The following LRMDA variants were observed in gnomAD, a reference collection of about 807,000 sequenced individuals.
LRMDA encodes leucine rich melanocyte differentiation associated, also known as leucine-rich melanocyte differentiation-associated protein.
A neutral mutation model predicts 29.8 loss-of-function variants in LRMDA; 18 were observed. The ratio of observed to expected loss-of-function variants is 0.60; its 90% CI spans 0.42 to 0.90. The LOEUF is 0.90. Ranked by LOEUF, LRMDA falls within the 40% of genes least tolerant of loss-of-function variation. The pLI is 0.00. For missense variants in LRMDA, 273 were observed against 273.9 expected, an observed-to-expected ratio of 1.00 and a Z score of 0.02; for synonymous variants, 125 against 109.4, an observed-to-expected ratio of 1.14 and a Z score of -0.89.
chr10:75,880,364 A>G (rs192586204), intron 2 of LRMDA, among the ~76,000 whole-genome samples: 130 of 152,362 alleles, frequency 8.5e-4, no homozygotes, highest in African/African-American at 3.1e-3. Flanking sequence ...AGGTCATTCA[A>G]AGAAGAGATA....
chr10:76,301,703 G>A (rs1261103353), intron 5 of LRMDA, among the ~76,000 whole-genome samples: 1 of 152,140 alleles, frequency 6.6e-6, no homozygotes, highest in African/African-American at 2.4e-5. Context: ...TATTATGTAA[G>A]ACCCAAGTAG....
intron 2 of LRMDA, among the ~76,000 whole-genome samples, chr10:75,996,615 A>AT (rs1847466628): frequency 6.6e-6 from 1 of 152,212 alleles, no homozygotes; most frequent in Non-Finnish European, 1.5e-5. Flanking sequence ...CTTGAATTGC[A>AT]TATCATTCTA....
intron 6 of LRMDA, among the ~76,000 whole-genome samples, chr10:76,477,192 C>G (rs931307011): frequency 3.3e-5 from 5 of 152,060 alleles, no homozygotes; most frequent in African/African-American, 1.2e-4. Flanking sequence ...TGATAAGCAA[C>G]TTCAGCAAAG....
intron 2 of LRMDA, among the ~76,000 whole-genome samples, chr10:75,916,500 C>A (rs1392062563): frequency 6.6e-6 from 1 of 152,156 alleles, no homozygotes; most frequent in Admixed American, 6.5e-5. Context: ...TCTTGCCTTG[C>A]AAACAGAGTC....
intron 5 of LRMDA, among the ~76,000 whole-genome samples, chr10:76,070,805 G>A (rs1018771946): frequency 1.3e-5 from 2 of 152,210 alleles, no homozygotes; most frequent in Non-Finnish European, 2.9e-5. Flanking sequence ...ATCCTGGGGA[G>A]GTCCAGGCTC....
chr10:75,984,176 C>A (rs1847222650), intron 2 of LRMDA, among the ~76,000 whole-genome samples: 1 of 151,030 alleles, frequency 6.6e-6, no homozygotes, highest in South Asian at 2.1e-4. Context: ...GAGCTAATCT[C>A]CCTGCAGCAA....
chr10:75,471,524 A>G (rs916245444), intron 2 of LRMDA, among the ~76,000 whole-genome samples: 1 of 152,210 alleles, frequency 6.6e-6, no homozygotes, highest in African/African-American at 2.4e-5. Flanking sequence ...GAGTCCCAGT[A>G]TTAGACCTGG....
Position 76,239,795 on chromosome 10 carries a change from GTATACTTCC to G in LRMDA, c.517-84602_517-84594del, listed in dbSNP as rs1201408215. Among the ~76,000 whole-genome samples the G allele has an allele frequency of 1.2e-4, 18 of 151,932 alleles. No homozygotes were observed. The East Asian group carries it at 3.3e-3, about 28-fold the overall frequency. On this transcript the variant is annotated intron_variant, in intron 5 of 6. Coordinates refer to ENST00000611255, the MANE Select transcript of LRMDA (RefSeq NM_001305581.2). ...TTCATTTTTTTTTGTATATGGTGCT[GTATACTTCC>G]TATTGCATTACCTCCTGAGATGCAT...
intron 2 of LRMDA, among the ~76,000 whole-genome samples, chr10:75,827,469 G>A (rs1010925299): frequency 6.6e-6 from 1 of 152,102 alleles, no homozygotes; most frequent in Non-Finnish European, 1.5e-5. Context: ...TTTTATACAG[G>A]ATTCAAAGTT....
intron 2 of LRMDA, among the ~76,000 whole-genome samples, chr10:75,630,836 T>G (rs1251680333): frequency 6.6e-6 from 1 of 152,224 alleles, no homozygotes; most frequent in Admixed American, 6.5e-5. Flanking sequence ...GCCTTCATTC[T>G]TGGAATCAGC....
At chr10:76,285,922 A>G (rs1385241136) in intron 5 of LRMDA, among the ~76,000 whole-genome samples, 1 of 152,216 alleles carries the variant, frequency 6.6e-6, no homozygotes, top group Non-Finnish European at 1.5e-5. Context: ...TTATTAAACT[A>G]CCAAATGTAA....
At chr10:76,058,897 T>C (rs1162644886) in intron 5 of LRMDA, 114 bp downstream of exon 5, 1 of 803,950 alleles carries the variant, frequency 1.2e-6, no homozygotes, top group Non-Finnish European at 2.1e-6. Context: ...GAATCTCACA[T>C]GAAGGGTCCT....
intron 6 of LRMDA, among the ~76,000 whole-genome samples, chr10:76,419,447 T>C (rs551535027): frequency 2.0e-4 from 30 of 152,134 alleles, no homozygotes; most frequent in Non-Finnish European, 3.7e-4. Context: ...CTGAATAACA[T>C]TCATTGTCTG....
intron 6 of LRMDA, among the ~76,000 whole-genome samples, chr10:76,382,129 G>A (rs140305770): frequency 6.6e-5 from 10 of 152,220 alleles, no homozygotes; most frequent in East Asian, 3.9e-4. Flanking sequence ...AGTTAATACC[G>A]TACTACTTCT....
chr10:75,547,642 C>T (rs1564797584), intron 2 of LRMDA, among the ~76,000 whole-genome samples: 1 of 152,212 alleles, frequency 6.6e-6, no homozygotes, highest in African/African-American at 2.4e-5. Context: ...AATACCAGTG[C>T]TCAAGCCACA....
Position 75,670,327 on chromosome 10 carries a change from C to T in LRMDA, c.131+231833C>T, listed in dbSNP as rs574441609. 2.2e-4 allele frequency among the ~76,000 whole-genome samples: 33 copies of T among 152,278 alleles called. No individual in the cohort carries two copies. In the South Asian group the frequency reaches 4.6e-3, roughly 21 times the overall value. On this transcript the variant is annotated intron_variant, in intron 2 of 6. Transcript: ENST00000611255. ...TTTGTAGAAGTCAGAGGATGCAGAA[C>T]GGCACAAAGGGAAGAAAGCTTTAAG...
chr10:75,515,725 T>C (rs1043112571), intron 2 of LRMDA, among the ~76,000 whole-genome samples: 1 of 152,130 alleles, frequency 6.6e-6, no homozygotes, highest in Non-Finnish European at 1.5e-5. Context: ...AATTATACTT[T>C]AAGTTCTAGG....
At chr10:76,472,771 G>T (rs1842630597) in intron 6 of LRMDA, among the ~76,000 whole-genome samples, 4 of 151,396 alleles carry the variant, frequency 2.6e-5, no homozygotes, top group Admixed American at 2.6e-4. Flanking sequence ...CAATGAATTA[G>T]ATAACTTGGA....
chr10:76,347,886 A>G (rs1444616957), intron 6 of LRMDA, among the ~76,000 whole-genome samples: 2 of 152,188 alleles, frequency 1.3e-5, no homozygotes, highest in Admixed American at 6.5e-5. Context: ...GTTTTTTTAC[A>G]TATTAAATGA....
Sources: gnomAD v4.1 joint callset for allele counts (sites outside exome capture counted in the v4.1 genomes callset) on GRCh38, gnomAD v4.1.1 for gene constraint, MANE v1.5 for transcripts, NCBI Gene and HGNC (gene_info 2026-07-23, HGNC 2026-07-21) for gene names.